MAP3K21: variants seen among roughly 807,000 people sequenced by gnomAD.
MAP3K21 encodes mitogen-activated protein kinase kinase kinase MLK4.
Under a neutral mutation model 86.1 loss-of-function variants are expected in MAP3K21, and 63 were observed. The observed-to-expected ratio is 0.73, with a 90% CI of 0.60 to 0.90. The LOEUF (loss-of-function observed/expected upper bound fraction) is 0.90. Ranked by LOEUF, MAP3K21 falls within the 40% of genes least tolerant of loss-of-function variation. The pLI, the probability that MAP3K21 is intolerant of heterozygous loss-of-function variation, is 0.00. For missense variants in MAP3K21, 1,220 were observed against 1,367.7 expected (o/e 0.89, Z 1.70); for synonymous variants, 558 against 564.8 (o/e 0.99, Z 0.17).
In MAP3K21 at chr1:233,328,382, C is replaced by T; in HGVS notation, c.354C>T (p.His118=). The T allele has an allele frequency of 1.3e-6, 2 of 1,485,646 alleles. No individual in the cohort carries two copies. Among genetic ancestry groups the T allele is most frequent in the African/African-American group, 1.5e-5 (1 of 68,496 alleles). 92.0% of individuals were successfully genotyped at this position (1,485,646 alleles called of 1,614,324 possible). ...CCTCGCGGCCCAGCTCCCCGGTACA[C>T]GTCGCCTTCGAGCGGCTGGAGCTGA... ...PPPSRPSSPV[H]VAFERLELKE... is the part of the protein sequence containing the mutation. Residue 118 remains histidine (H), a synonymous_variant, in exon 1 of 10, where the codon CAC becomes CAT. Transcript: ENST00000366624. This position sits in a 1 kb window ranked among gnomAD's most constrained non-coding sequence, Gnocchi z 8.7.
rs1663946089 is a variant in MAP3K21 at position 233,382,887 on chromosome 1, A to G, written c.*176A>G. 1.7e-6 allele frequency: 1 copy of G among 574,774 alleles called. No individual in the cohort carries two copies. The highest frequency in any genetic ancestry group is 3.0e-5 in the East Asian group (1 of 33,686). 35.6% of individuals were successfully genotyped at this position (574,774 alleles called of 1,614,324 possible). ...TATATGATTGCTGTTAGCCATGTCT[A>G]TTGTTTTTCCTCTGGATTCTTTTCT... On this transcript the variant is annotated 3_prime_UTR_variant, in exon 10 of 10. Transcript: ENST00000366624.
chr1:233,363,445 C>T (rs534299500), intron 5 of MAP3K21, among the ~76,000 whole-genome samples: 6 of 152,252 alleles, frequency 3.9e-5, no homozygotes, highest in African/African-American at 9.6e-5. Context: ...TGCCTGTAAT[C>T]GCGGCACTTT....
At chr1:233,362,535 G>T (rs1447284485) in intron 5 of MAP3K21, among the ~76,000 whole-genome samples, 1 of 152,152 alleles carries the variant, frequency 6.6e-6, no homozygotes, top group East Asian at 1.9e-4. Context: ...AACCCTCAGC[G>T]TACTTTCATA....
At chr1:233,332,537 G>A (rs1743268) in intron 1 of MAP3K21, among the ~76,000 whole-genome samples, 117,710 of 151,472 alleles carry the variant, frequency 0.78, 45,980 homozygotes, top group East Asian at 0.99. Context: ...GAGTGATGGT[G>A]CTGGCTTCTG....
At chr1:233,374,604 A>T (rs1663753490) in intron 6 of MAP3K21, among the ~76,000 whole-genome samples, 1 of 152,212 alleles carries the variant, frequency 6.6e-6, no homozygotes, top group Non-Finnish European at 1.5e-5. Flanking sequence ...AAAGTGATAT[A>T]AAGGAGTTAA....
At chr1:233,349,124 C>T (rs1009306262) in intron 2 of MAP3K21, among the ~76,000 whole-genome samples, 3 of 152,170 alleles carry the variant, frequency 2.0e-5, no homozygotes, top group African/African-American at 7.2e-5. Flanking sequence ...AGTGCTTGAG[C>T]CTCACCCCTT....
At chr1:233,370,092 AT>A (rs1434141486) in intron 5 of MAP3K21, among the ~76,000 whole-genome samples, 1 of 152,214 alleles carries the variant, frequency 6.6e-6, no homozygotes, top group African/African-American at 2.4e-5. Context: ...ATGCAGGAAG[AT>A]GGACACAAGG....
In MAP3K21 at chr1:233,328,975, C is replaced by T. The variant is rs1242947350; in HGVS notation, c.805+142C>T. 1.3e-6 allele frequency: 1 copy of T among 796,110 alleles called. No individual in the cohort carries two copies. The highest frequency in any genetic ancestry group is 1.7e-6 in the Non-Finnish European group (1 of 586,984). The allele number at this position is 796,110 out of a possible 1,614,324, so 49.3% of individuals were successfully genotyped here. On this transcript the variant is annotated intron_variant, in intron 1 of 9. Coordinates refer to ENST00000366624, the MANE Select transcript of MAP3K21 (RefSeq NM_032435.3). The surrounding 1 kb of genome is among the most constrained non-coding windows in gnomAD (Gnocchi z 8.7). Reference sequence around the variant, plus strand: ...AACTCATGCCCAGGCCTTCAGGGCTCGGAAGTCCAGCTAGTCCTTGGTTAC... The same window carrying T: ...AACTCATGCCCAGGCCTTCAGGGCTTGGAAGTCCAGCTAGTCCTTGGTTAC...
chr1:233,343,715 T>A (rs1211310978), intron 1 of MAP3K21, among the ~76,000 whole-genome samples: 1 of 152,208 alleles, frequency 6.6e-6, no homozygotes, highest in Non-Finnish European at 1.5e-5. Context: ...CTGGACAAAT[T>A]ACTGAACATC....
chr1:233,349,711 G>A (rs757321611), intron 2 of MAP3K21, among the ~76,000 whole-genome samples: 85 of 152,122 alleles, frequency 5.6e-4, no homozygotes, highest in Non-Finnish European at 8.7e-4. Context: ...GGCCGAGGTG[G>A]GCAGATCACA....
At chr1:233,344,403 A>T (rs1012121606) in intron 1 of MAP3K21, among the ~76,000 whole-genome samples, 9 of 152,198 alleles carry the variant, frequency 5.9e-5, no homozygotes, top group Admixed American at 2.0e-4. Context: ...ATGGAACAGA[A>T]CAGAGGCCTC....
chr1:233,376,009 G>T lies in MAP3K21; in HGVS notation c.1769G>T (p.Gly590Val). The change falls in exon 7 of 10, where the codon GGT becomes GTT. Residue 590 changes from glycine to valine, a missense_variant. Coordinates refer to ENST00000366624, the MANE Select transcript of MAP3K21 (RefSeq NM_032435.3). ...GTAAAAAGGAATTTTAAGAAAAAAG[G>T]TTGTACCTGGGGACCAAATTCCATT... ...EDVKRNFKKKGCTWGPNSIQM... is the reference protein window; with the variant it reads ...EDVKRNFKKKVCTWGPNSIQM... 1 of 1,609,058 alleles carries T rather than the reference G, an allele frequency of 6.2e-7. No homozygotes were observed. The highest frequency in any genetic ancestry group is 8.5e-7 in the Non-Finnish European group (1 of 1,178,678).
At chr1:233,364,912 C>T in intron 5 of MAP3K21, among the ~76,000 whole-genome samples, 1 of 152,092 alleles carries the variant, frequency 6.6e-6, no homozygotes, top group East Asian at 1.9e-4. Context: ...ACATTATCAT[C>T]TTAATATTAA....
At chr1:233,353,356 A>T (rs144372840) in intron 2 of MAP3K21, among the ~76,000 whole-genome samples, 1 of 152,274 alleles carries the variant, frequency 6.6e-6, no homozygotes, top group Non-Finnish European at 1.5e-5. Context: ...ACATGATTCC[A>T]TGTCAGCCCT....
intron 1 of MAP3K21, among the ~76,000 whole-genome samples, chr1:233,338,501 G>C (rs1037940709): frequency 6.6e-6 from 1 of 152,142 alleles, no homozygotes; most frequent in African/African-American, 2.4e-5. Flanking sequence ...TTGCAAAGGA[G>C]GATGGAAATG....
At position 233,364,116 on chromosome 1, in the gene MAP3K21, G is replaced by C. The variant is rs968670894; in HGVS notation, c.1552+1823G>C. On this transcript the variant is annotated intron_variant, in intron 5 of 9. Transcript: ENST00000366624. Reference sequence around the variant, plus strand: ...TATTTGGTTTGATGGGGTGAGAATAGACTGTGGATCCTTATCACTTTTACC... The same window carrying C: ...TATTTGGTTTGATGGGGTGAGAATACACTGTGGATCCTTATCACTTTTACC... Among the ~76,000 whole-genome samples, 85 of 152,162 alleles carry C rather than the reference G, an allele frequency of 5.6e-4. 1 individual carries two copies. The highest frequency in any genetic ancestry group is 2.0e-3 in the African/African-American group (83 of 41,444).
intron 2 of MAP3K21, among the ~76,000 whole-genome samples, chr1:233,347,067 C>T (rs987062671): frequency 6.6e-6 from 1 of 151,522 alleles, no homozygotes; most frequent in South Asian, 2.1e-4. Context: ...TGTAGAGGAG[C>T]GGGGGTTTAG....
At chr1:233,371,896 A>G in intron 5 of MAP3K21, 142 bp from the exon 6 acceptor site, 2 of 793,698 alleles carry the variant, frequency 2.5e-6, no homozygotes, top group South Asian at 2.3e-5. Flanking sequence ...GAAGTAAGAA[A>G]CCAAAATAAG....
chr1:233,349,943 A>G (rs1663217678), intron 2 of MAP3K21, among the ~76,000 whole-genome samples: 1 of 138,270 alleles, frequency 7.2e-6, no homozygotes, highest in African/African-American at 2.8e-5. Flanking sequence ...CTCAAAAAAG[A>G]AAAAAAAAAA....
Sources: allele counts gnomAD v4.1 joint callset (sites outside exome capture counted in the v4.1 genomes callset), GRCh38; gene constraint gnomAD v4.1.1; non-coding constraint Gnocchi (gnomAD v3.1); transcripts MANE v1.5; gene names NCBI Gene and HGNC (gene_info 2026-07-23, HGNC 2026-07-21).